GALNTL6: variants seen among roughly 807,000 people sequenced by gnomAD.
GALNTL6 encodes the protein polypeptide N-acetylgalactosaminyltransferase-like 6.
GALNTL6 carries 46 observed loss-of-function variants against 73.7 expected under a neutral mutation model. The observed-to-expected ratio is 0.62, with a 90% CI of 0.49 to 0.80. The LOEUF (loss-of-function observed/expected upper bound fraction) is 0.80. GALNTL6 is among the 30% of genes least tolerant of loss of function. The probability of loss-of-function intolerance (pLI) is 0.00; values close to 1 mark genes in which losing one functional copy is unlikely to be tolerated. For synonymous variants in GALNTL6, 259 were observed against 263.7 expected (o/e 0.98, Z 0.17); for missense variants, 604 against 755.0 (o/e 0.80, Z 2.34).
intron 4 of GALNTL6, among the ~76,000 whole-genome samples, chr4:172,338,580 G>C (rs1029085903): frequency 6.6e-6 from 1 of 152,148 alleles, no homozygotes; most frequent in Non-Finnish European, 1.5e-5. Context: ...GGGCCATGCA[G>C]TTCAAGCTCC....
intron 5 of GALNTL6, among the ~76,000 whole-genome samples, chr4:172,586,068 A>G (rs991596897): frequency 6.6e-6 from 1 of 152,222 alleles, no homozygotes; most frequent in African/African-American, 2.4e-5. Context: ...GTAGGAGTCT[A>G]AATTAGTTCG....
At chr4:172,671,764 C>T (rs1731999532) in intron 5 of GALNTL6, among the ~76,000 whole-genome samples, 1 of 152,086 alleles carries the variant, frequency 6.6e-6, no homozygotes, top group Non-Finnish European at 1.5e-5. Flanking sequence ...CAGATTTTGC[C>T]CATTCAGTAT....
chr4:172,713,017 A>G (rs1422541157), intron 5 of GALNTL6, among the ~76,000 whole-genome samples: 1 of 152,160 alleles, frequency 6.6e-6, no homozygotes, highest in Admixed American at 6.6e-5. Context: ...TCTTTACAGT[A>G]TGCAGTATGT....
chr4:171,945,712 C>T (rs756843079), intron 2 of GALNTL6, among the ~76,000 whole-genome samples: 1 of 152,032 alleles, frequency 6.6e-6, no homozygotes, highest in African/African-American at 2.4e-5. Context: ...ATAAAACATG[C>T]ATACATTATG....
intron 5 of GALNTL6, among the ~76,000 whole-genome samples, chr4:172,783,277 T>C (rs1739469647): frequency 1.3e-5 from 2 of 150,138 alleles, no homozygotes; most frequent in Admixed American, 1.3e-4. Flanking sequence ...GCTTTACTAC[T>C]AAGAATCAGT....
At position 172,913,591 on chromosome 4, in the gene GALNTL6, G is replaced by A. The variant is rs952789977; in HGVS notation, c.1042-17570G>A. ...AACCATGGCACGAGAACTACGTGAC[G>A]CATGCACAAGCTTCAGTAGCCGATT... is the stretch of plus-strand genomic sequence containing the variant. On this transcript the variant is annotated intron_variant, in intron 8 of 12. Transcript: ENST00000506823. 8.5e-5 allele frequency among the ~76,000 whole-genome samples: 13 copies of A among 152,238 alleles called. No individual in the cohort carries two copies. The South Asian group carries it at 1.0e-3, about 12-fold the overall frequency.
At chr4:172,218,133 G>A (rs1206453597) in intron 2 of GALNTL6, among the ~76,000 whole-genome samples, 1 of 152,084 alleles carries the variant, frequency 6.6e-6, no homozygotes, top group Non-Finnish European at 1.5e-5. Flanking sequence ...TTCCTGGAAT[G>A]TAGCCTTCAT....
At chr4:172,263,551 C>T (rs943323945) in intron 3 of GALNTL6, among the ~76,000 whole-genome samples, 1 of 151,080 alleles carries the variant, frequency 6.6e-6, no homozygotes, top group African/African-American at 2.4e-5. Context: ...TTGGCTTTCA[C>T]CTTTTTATGA....
At chr4:172,196,141 A>C (rs1735761223) in intron 2 of GALNTL6, among the ~76,000 whole-genome samples, 1 of 152,130 alleles carries the variant, frequency 6.6e-6, no homozygotes, top group African/African-American at 2.4e-5. Flanking sequence ...CAGAAATACA[A>C]ACAACATACA....
chr4:172,908,264 G>A (rs889165119), intron 8 of GALNTL6, among the ~76,000 whole-genome samples: 1 of 152,130 alleles, frequency 6.6e-6, no homozygotes, highest in African/African-American at 2.4e-5. Flanking sequence ...GGAAAGAGAA[G>A]TCATGAATAA....
intron 2 of GALNTL6, among the ~76,000 whole-genome samples, chr4:172,135,868 T>G (rs760319955): frequency 4.6e-5 from 7 of 152,180 alleles, no homozygotes; most frequent in Non-Finnish European, 8.8e-5. Context: ...AGTACATGCA[T>G]TTGGAAGTTG....
chr4:172,945,922 AG>A (rs1026670137), intron 9 of GALNTL6, among the ~76,000 whole-genome samples: 4 of 152,138 alleles, frequency 2.6e-5, no homozygotes, highest in African/African-American at 9.6e-5. Flanking sequence ...CAATGATAAA[AG>A]GGCTGTGGGG....
At chr4:172,097,034 G>A (rs1344152354) in intron 2 of GALNTL6, among the ~76,000 whole-genome samples, 1 of 152,142 alleles carries the variant, frequency 6.6e-6, no homozygotes, top group African/African-American at 2.4e-5. Context: ...TTTTTGCTCT[G>A]TATGTATGCC....
intron 5 of GALNTL6, among the ~76,000 whole-genome samples, chr4:172,700,011 A>T (rs1733937179): frequency 6.6e-6 from 1 of 152,138 alleles, no homozygotes; most frequent in Admixed American, 6.6e-5. Context: ...ATACCAAGAA[A>T]CTTCCGTCAA....
intron 10 of GALNTL6, among the ~76,000 whole-genome samples, chr4:172,976,946 A>G (rs1750838464): frequency 6.6e-6 from 1 of 152,274 alleles, no homozygotes; most frequent in East Asian, 1.9e-4. Flanking sequence ...ATGCTCAGAA[A>G]TCCAGGTGTG....
intron 3 of GALNTL6, among the ~76,000 whole-genome samples, chr4:172,243,594 A>G (rs1056733155): frequency 7.9e-5 from 12 of 152,102 alleles, no homozygotes; most frequent in Admixed American, 1.3e-4. Flanking sequence ...ATTGCTTCTC[A>G]TTTCTTCTTT....
chr4:172,690,256 C>T (rs934407363), intron 5 of GALNTL6, among the ~76,000 whole-genome samples: 4 of 152,070 alleles, frequency 2.6e-5, no homozygotes, highest in Non-Finnish European at 4.4e-5. Flanking sequence ...ACTTCTTATT[C>T]TTTTGTCTTG....
At chr4:172,147,396 G>A (rs1733954230) in intron 2 of GALNTL6, among the ~76,000 whole-genome samples, 2 of 152,244 alleles carry the variant, frequency 1.3e-5, no homozygotes, top group Admixed American at 1.3e-4. Flanking sequence ...GTTTGGCCAT[G>A]AAATTTGTTA....
chr4:171,937,617 A>C (rs2111006997), intron 2 of GALNTL6, among the ~76,000 whole-genome samples: 1 of 152,252 alleles, frequency 6.6e-6, no homozygotes, highest in East Asian at 1.9e-4. Flanking sequence ...CTCATTCCTT[A>C]CTTTATTCAG....
Sources: allele counts gnomAD v4.1 joint callset (sites outside exome capture counted in the v4.1 genomes callset), GRCh38; gene constraint gnomAD v4.1.1; transcripts MANE v1.5; gene names NCBI Gene and HGNC (gene_info 2026-07-23, HGNC 2026-07-21).